Variants in SYT14 observed in about 807,000 individuals in gnomAD.
The protein encoded by SYT14 is synaptotagmin-14.
A neutral mutation model predicts 74.2 loss-of-function variants in SYT14; 32 were observed. That is an observed-to-expected ratio of 0.43 (90% confidence interval 0.33 to 0.58). The LOEUF is 0.58. SYT14 is among the 20% of genes least tolerant of loss of function. The probability of loss-of-function intolerance (pLI) is 0.05; values close to 1 mark genes in which losing one functional copy is unlikely to be tolerated. For synonymous variants in SYT14, 298 were observed against 337.7 expected, an observed-to-expected ratio of 0.88 and a Z score of 1.29; for missense variants, 791 against 981.8, an observed-to-expected ratio of 0.81 and a Z score of 2.60.
At chr1:210,016,566 A>T in exon 4 of SYT14, 1 of 1,232,036 alleles carries the variant, frequency 8.1e-7, no homozygotes. Flanking sequence ...GGTAAGAATG[A>T]TTTAAAGGAG....
intron 5 of SYT14, among the ~76,000 whole-genome samples, chr1:210,083,156 G>GT (rs531918594): frequency 4.2e-4 from 64 of 151,762 alleles, no homozygotes; most frequent in African/African-American, 1.4e-3. Context: ...AATTTTTGGG[G>GT]TTTTTTTGTA....
chr1:210,014,476 T>G (rs2080146723), intron 3 of SYT14, among the ~76,000 whole-genome samples: 1 of 151,776 alleles, frequency 6.6e-6, no homozygotes, highest in African/African-American at 2.4e-5. Context: ...AAAGACTGGT[T>G]TATAAAAATG....
exon 10 of SYT14, chr1:210,167,406 G>A (rs971950256): frequency 5.9e-5 from 9 of 152,130 alleles, no homozygotes; most frequent in Non-Finnish European, 8.8e-5. Flanking sequence ...GTTTCAAATA[G>A]CAAGTTAATA....
intron 2 of SYT14, among the ~76,000 whole-genome samples, chr1:209,983,910 C>T (rs149937132): frequency 7.7e-4 from 117 of 152,274 alleles, no homozygotes; most frequent in South Asian, 5.2e-3. Flanking sequence ...TAGTGACCTC[C>T]CCAGACTATT....
At chr1:210,078,338 A>G (rs924287560) in intron 5 of SYT14, among the ~76,000 whole-genome samples, 1 of 134,706 alleles carries the variant, frequency 7.4e-6, no homozygotes, top group Non-Finnish European at 1.6e-5. Flanking sequence ...AAAAAAAAAA[A>G]TGCATCTATT....
exon 4 of SYT14, chr1:210,016,067 A>G (rs2080176390): frequency 7.3e-6 from 9 of 1,231,984 alleles, no homozygotes; most frequent in Non-Finnish European, 9.1e-6. Context: ...AGACACAATC[A>G]GTAGTGCTGT....
At chr1:210,059,443 TATATATATAG>T (rs1229122192) in intron 5 of SYT14, among the ~76,000 whole-genome samples, 27 of 96,204 alleles carry the variant, frequency 2.8e-4, no homozygotes, top group African/African-American at 9.1e-4. Context: ...TATATATATA[TATATATATAG>T]AGAGAGAGAG....
chr1:210,070,047 A>C (rs1207633076), intron 5 of SYT14, among the ~76,000 whole-genome samples: 2 of 152,126 alleles, frequency 1.3e-5, no homozygotes, highest in Non-Finnish European at 2.9e-5. Context: ...TGTCTGCAAA[A>C]TATAGTGGTC....
At chr1:210,039,842 G>A (rs575491265) in intron 5 of SYT14, among the ~76,000 whole-genome samples, 4 of 152,142 alleles carry the variant, frequency 2.6e-5, no homozygotes, top group African/African-American at 7.2e-5. Flanking sequence ...ACCATTTCAC[G>A]CCAGTTAGAA....
In SYT14 at chr1:210,088,371, C is replaced by T. The variant is rs561999580; in HGVS notation, c.1313-5951C>T. ...CCTAGCCTCCCACTTGCTGACAGGC[C>T]GTGGTGTGTGATGTTCCCCTCCCTG... On this transcript the variant is annotated intron_variant, in intron 5 of 9. Coordinates refer to ENST00000637265, the Ensembl canonical transcript of SYT14. Among the ~76,000 whole-genome samples the T allele has an allele frequency of 1.7e-3, 259 of 152,014 alleles. 3 individuals are homozygous for T. Among genetic ancestry groups the T allele is most frequent in the Middle Eastern group, 0.017 (5 of 294 alleles).
At chr1:209,995,810 A>G (rs2079779036) in intron 2 of SYT14, among the ~76,000 whole-genome samples, 1 of 152,224 alleles carries the variant, frequency 6.6e-6, no homozygotes, top group African/African-American at 2.4e-5. Flanking sequence ...CAGTAAAAAT[A>G]GAAATCAGTA....
At chr1:210,121,094 G>A (rs2082452064) in intron 7 of SYT14, among the ~76,000 whole-genome samples, 1 of 152,124 alleles carries the variant, frequency 6.6e-6, no homozygotes, top group Non-Finnish European at 1.5e-5. Context: ...TGAATATTCA[G>A]CCTCTCTGTG....
At chr1:210,103,199 G>A (rs890863913) in intron 7 of SYT14, among the ~76,000 whole-genome samples, 2 of 151,976 alleles carry the variant, frequency 1.3e-5, no homozygotes, top group Non-Finnish European at 2.9e-5. Flanking sequence ...AAAGACCAAT[G>A]TCACCAAAAT....
chr1:210,099,758 CTCAGA>C (rs1459965200), intron 6 of SYT14, among the ~76,000 whole-genome samples: 1 of 152,202 alleles, frequency 6.6e-6, no homozygotes, highest in African/African-American at 2.4e-5. Flanking sequence ...ATCACACTTT[CTCAGA>C]ATTGTAATGG....
At chr1:210,082,978 CT>C (rs898221466) in intron 5 of SYT14, among the ~76,000 whole-genome samples, 98 of 144,614 alleles carry the variant, frequency 6.8e-4, no homozygotes, top group Middle Eastern at 7.4e-3. Flanking sequence ...TGGGTTATTT[CT>C]TTTTTTTTTT....
intron 2 of SYT14, among the ~76,000 whole-genome samples, chr1:209,980,159 T>C (rs189254017): frequency 3.2e-4 from 48 of 152,322 alleles, no homozygotes; most frequent in African/African-American, 1.1e-3. Context: ...TTCTTACTGG[T>C]GTAAGATGGT....
At chr1:210,136,722 A>G (rs1399605760) in intron 7 of SYT14, among the ~76,000 whole-genome samples, 1 of 152,166 alleles carries the variant, frequency 6.6e-6, no homozygotes, top group East Asian at 1.9e-4. Context: ...TGTTTTACTT[A>G]GTAACTTTGG....
intron 7 of SYT14, among the ~76,000 whole-genome samples, chr1:210,112,839 A>C (rs1040042876): frequency 1.3e-5 from 2 of 151,368 alleles, no homozygotes; most frequent in Admixed American, 1.3e-4. Context: ...ATTTAGAGTC[A>C]GTATAAATAT....
intron 1 of SYT14, among the ~76,000 whole-genome samples, chr1:209,952,214 TAA>T (rs766391868): frequency 9.3e-4 from 142 of 152,354 alleles, no homozygotes; most frequent in African/African-American, 2.2e-3. Flanking sequence ...TTTTTAAAGT[TAA>T]GTTTGTTTTT....
Sources: gnomAD v4.1 joint callset for allele counts (sites outside exome capture counted in the v4.1 genomes callset) on GRCh38, gnomAD v4.1.1 for gene constraint, MANE v1.5 for transcripts, NCBI Gene and HGNC (gene_info 2026-07-23, HGNC 2026-07-21) for gene names.